The following KIAA1210 variants were observed in gnomAD, a reference collection of about 807,000 sequenced individuals.
The protein encoded by KIAA1210 is KIAA1210.
A neutral mutation model predicts 78.9 loss-of-function variants in KIAA1210; 48 were observed. The observed-to-expected ratio is 0.61, with a 90% CI of 0.48 to 0.77. The LOEUF (loss-of-function observed/expected upper bound fraction) is 0.77, where lower values mean the gene tolerates loss of function less well. KIAA1210 is among the 30% of genes least tolerant of loss of function. The pLI is 0.00. For synonymous variants in KIAA1210, 406 were observed against 404.5 expected (o/e 1.00, Z -0.04); for missense variants, 1,108 against 1,100.0 (o/e 1.01, Z -0.10).
chrX:119,139,194 A>G (rs1282864630), intron 2 of KIAA1210, among the ~76,000 whole-genome samples: 1 of 111,562 alleles, frequency 9.0e-6, no homozygotes. Context: ...GCAAGTCCAG[A>G]ACCTTCCAGG....
chrX:119,102,589 T>C lies in KIAA1210; in HGVS notation c.648+2403A>G, dbSNP rs181237840. Among the ~76,000 whole-genome samples the C allele has an allele frequency of 3.6e-5, 4 of 110,800 alleles. No individual in the cohort carries two copies. In the East Asian group the frequency reaches 1.1e-3, roughly 32 times the overall value. On this transcript the variant is annotated intron_variant, in intron 6 of 11. Transcript: ENST00000691062. ...TCTGGGCTTCGGAGACTTATTTGTA[T>C]ACAATGCTGGGGAATTATGGTGTAA...
At chrX:119,150,673 T>TCACACG (rs1262631676), upstream of KIAA1210, 5 of 945,581 alleles carry the variant, frequency 5.3e-6, no homozygotes, top group East Asian at 3.1e-5. Flanking sequence ...GCTTTCCCAC[T>TCACACG]CACACGCACA....
intron 2 of KIAA1210, among the ~76,000 whole-genome samples, chrX:119,139,528 C>T (rs1221046660): frequency 9.0e-6 from 1 of 111,515 alleles, no homozygotes; most frequent in East Asian, 2.8e-4. Flanking sequence ...ACAGTAAGCA[C>T]TCGATACATG....
chrX:119,122,887 CCAGA>C (rs1320939934), intron 2 of KIAA1210, among the ~76,000 whole-genome samples: 1 of 112,026 alleles, frequency 8.9e-6, no homozygotes, highest in African/African-American at 3.2e-5. Context: ...CTCTGTTCTT[CCAGA>C]CAAAGTTTTC....
At chrX:119,114,756 T>G (rs780521654) in intron 3 of KIAA1210, among the ~76,000 whole-genome samples, 2 of 112,201 alleles carry the variant, frequency 1.8e-5, no homozygotes, top group East Asian at 5.6e-4. Flanking sequence ...AAGCCCTCCC[T>G]GATCAAAAGA....
At chrX:119,107,074 G>T (rs1927915324) in intron 5 of KIAA1210, among the ~76,000 whole-genome samples, 1 of 112,017 alleles carries the variant, frequency 8.9e-6, no homozygotes. Flanking sequence ...AGGTCAGGTT[G>T]GTTGTTGATA....
At chrX:119,111,920 A>T (rs1928088402) in intron 3 of KIAA1210, among the ~76,000 whole-genome samples, 1 of 111,326 alleles carries the variant, frequency 9.0e-6, no homozygotes, top group South Asian at 3.9e-4. Flanking sequence ...AAATAGATAA[A>T]TAGTGATATG....
intron 8 of KIAA1210, 23 bp from the exon 9 acceptor site, chrX:119,089,769 A>G (rs953719384): frequency 4.3e-6 from 5 of 1,150,334 alleles, no homozygotes; most frequent in Admixed American, 5.1e-5. Context: ...GAAATAAGGA[A>G]AGGAGAAATA....
intron 3 of KIAA1210, among the ~76,000 whole-genome samples, chrX:119,112,798 G>T (rs747926883): frequency 7.2e-5 from 8 of 111,638 alleles, no homozygotes; most frequent in Non-Finnish European, 1.1e-4. Context: ...GCCTCAAAAG[G>T]TTAAATATAT....
At chrX:119,138,417 C>T (rs1928971319) in intron 2 of KIAA1210, among the ~76,000 whole-genome samples, 1 of 110,087 alleles carries the variant, frequency 9.1e-6, no homozygotes, top group South Asian at 3.9e-4. Flanking sequence ...CGGGGTTTCC[C>T]CATGTTGGCC....
At chrX:119,096,781 A>G in intron 6 of KIAA1210, 90 bp from the exon 7 acceptor site, 1 of 666,817 alleles carries the variant, frequency 1.5e-6, no homozygotes, top group Non-Finnish European at 2.2e-6. Context: ...AGAATTCCCA[A>G]AGAAGAAATC....
chrX:119,092,729 C>G (rs764528654), intron 8 of KIAA1210, among the ~76,000 whole-genome samples: 4 of 107,070 alleles, frequency 3.7e-5, no homozygotes, highest in African/African-American at 1.4e-4. Flanking sequence ...CCACTGCACT[C>G]CAGCCTGGGT....
intron 2 of KIAA1210, among the ~76,000 whole-genome samples, chrX:119,144,250 G>T (rs1319273515): frequency 1.8e-5 from 2 of 112,506 alleles, no homozygotes; most frequent in Non-Finnish European, 1.9e-5. Flanking sequence ...GACCAACAGA[G>T]CAGGGCCTAA....
chrX:119,124,656 G>A (rs1379806546), intron 1 of KIAA1210, among the ~76,000 whole-genome samples: 2 of 112,127 alleles, frequency 1.8e-5, no homozygotes, highest in Admixed American at 1.9e-4. Flanking sequence ...GGGAGGCAAA[G>A]GCAGGAGGAT....
rs368522401 is a variant in KIAA1210, at chrX:119,134,455, G to A, written c.411-10803C>T. 6.3e-5 allele frequency among the ~76,000 whole-genome samples: 7 copies of A among 111,983 alleles called. No individual in the cohort carries two copies. In the East Asian group the frequency reaches 1.7e-3, roughly 27 times the overall value. On this transcript the variant is annotated intron_variant, in intron 2 of 13. Transcript: ENST00000402510. Reference sequence around the variant, plus strand: ...TTAAAATGACATCTTCAGCAAATTCGGCAAAGTCAACCCTCCAAATGTCCA... The same window carrying A: ...TTAAAATGACATCTTCAGCAAATTCAGCAAAGTCAACCCTCCAAATGTCCA...
intron 8 of KIAA1210, 100 bp from the exon 9 acceptor site, chrX:119,089,846 A>C: frequency 1.3e-6 from 1 of 799,680 alleles, no homozygotes; most frequent in Admixed American, 3.2e-5. Context: ...TTTGCTACTA[A>C]ATTTCCTAGT....
intron 11 of KIAA1210, among the ~76,000 whole-genome samples, chrX:119,082,655 G>A (rs992603224): frequency 2.7e-5 from 3 of 111,968 alleles, no homozygotes. Flanking sequence ...TTTCATTGGA[G>A]ATGTAGAAAG....
rs769775913 is a variant in KIAA1210 at position 119,081,107 on chromosome X, C to T, written c.*222G>A. The stretch of plus-strand genomic sequence containing the variant: ...TGAAACCCCGTCTCTACTAAAAATA[C>T]GAAAACAAAATTAGCCGGGCGTGAT... On this transcript the variant is annotated 3_prime_UTR_variant, in exon 12 of 12. Coordinates refer to ENST00000691062, the MANE Select transcript of KIAA1210 (RefSeq NM_001394962.1). 67 of 259,716 alleles carry T rather than the reference C, an allele frequency of 2.6e-4. No homozygotes were observed. The highest frequency in any genetic ancestry group is 1.6e-3 in the African/African-American group (55 of 34,737). 21.4% of individuals were successfully genotyped at this position (259,716 alleles called of 1,213,427 possible).
chrX:119,105,737 A>G (rs1439189373), intron 5 of KIAA1210, among the ~76,000 whole-genome samples: 1 of 112,005 alleles, frequency 8.9e-6, no homozygotes, highest in Non-Finnish European at 1.9e-5. Context: ...AAATCTATGG[A>G]ATGGTTTCCT....
Sources: gnomAD v4.1 joint callset for allele counts (sites outside exome capture counted in the v4.1 genomes callset) on GRCh38, gnomAD v4.1.1 for gene constraint, MANE v1.5 for transcripts, NCBI Gene and HGNC (gene_info 2026-07-23, HGNC 2026-07-21) for gene names.